Variants in RBFOX1 observed in about 807,000 individuals in gnomAD.
The protein encoded by RBFOX1 is RNA binding protein fox-1 homolog 1.
Under a neutral mutation model 57.7 loss-of-function variants are expected in RBFOX1, and 8 were observed. That is an observed-to-expected ratio of 0.14 (90% CI 0.08 to 0.25). RBFOX1 has a LOEUF of 0.25. Among genes scored for constraint, RBFOX1 ranks in the 10% least tolerant of loss-of-function variants. RBFOX1 has a pLI of 1.00. For missense variants in RBFOX1, 611 were observed against 548.5 expected, an observed-to-expected ratio of 1.11 and a Z score of -1.14; for synonymous variants, 326 against 222.4, an observed-to-expected ratio of 1.47 and a Z score of -4.15.
chr16:6,418,489 A>G (rs1049103896), intron 2 of RBFOX1, among the ~76,000 whole-genome samples: 9 of 147,394 alleles, frequency 6.1e-5, no homozygotes, highest in Non-Finnish European at 1.2e-4. Flanking sequence ...ATCATCTACA[A>G]TTTTGGACAG....
chr16:5,696,805 CTTTATATATTTGA>C (rs1397333098), intron 3 of RBFOX1, among the ~76,000 whole-genome samples: 3 of 152,016 alleles, frequency 2.0e-5, no homozygotes, highest in Admixed American at 1.3e-4. Context: ...TAATCTGCAT[CTTTATATATTTGA>C]TTTATATATT....
intron 3 of RBFOX1, among the ~76,000 whole-genome samples, chr16:6,960,973 CAAA>C (rs1168858782): frequency 8.3e-5 from 3 of 36,148 alleles, no homozygotes; most frequent in Admixed American, 3.2e-4. Context: ...ACTGAAAATA[CAAA>C]AAAAAAAAAA....
At chr16:7,110,858 A>G (rs1470051000) in intron 4 of RBFOX1, among the ~76,000 whole-genome samples, 2 of 152,178 alleles carry the variant, frequency 1.3e-5, no homozygotes, top group African/African-American at 4.8e-5. Context: ...GGTAAAGAAT[A>G]TGTGTTCCCT....
At chr16:6,999,173 T>TATTTTATTTTATTTG (rs2092542212) in intron 3 of RBFOX1, among the ~76,000 whole-genome samples, 1 of 91,912 alleles carries the variant, frequency 1.1e-5, no homozygotes, top group Non-Finnish European at 2.5e-5. Context: ...CTGGCCTTTT[T>TATTTTATTTTATTTG]ATTTTATTTT....
At chr16:6,374,538 A>C (rs2090918373) in intron 2 of RBFOX1, among the ~76,000 whole-genome samples, 2 of 152,120 alleles carry the variant, frequency 1.3e-5, no homozygotes, top group Non-Finnish European at 1.5e-5. Context: ...CTTTAGAGAA[A>C]ATTTTCGTAA....
intron 1 of RBFOX1, among the ~76,000 whole-genome samples, chr16:6,259,783 C>A (rs756365977): frequency 6.6e-6 from 1 of 151,908 alleles, no homozygotes; most frequent in Non-Finnish European, 1.5e-5. Context: ...CATGCTGAGA[C>A]GCCATTTGTA....
At chr16:6,894,769 T>A (rs1026374960) in intron 3 of RBFOX1, among the ~76,000 whole-genome samples, 1 of 152,184 alleles carries the variant, frequency 6.6e-6, no homozygotes, top group Non-Finnish European at 1.5e-5. Flanking sequence ...TTTTCTATTA[T>A]CTTAAAAAGC....
At chr16:6,180,645 A>G (rs1486408426) in intron 1 of RBFOX1, among the ~76,000 whole-genome samples, 1 of 151,690 alleles carries the variant, frequency 6.6e-6, no homozygotes, top group Admixed American at 6.6e-5. Flanking sequence ...GGCTCACTGC[A>G]ATCTCCACCT....
chr16:6,832,018 C>A (rs189031635), intron 3 of RBFOX1, among the ~76,000 whole-genome samples: 3 of 152,186 alleles, frequency 2.0e-5, no homozygotes, highest in Admixed American at 1.3e-4. Flanking sequence ...AAATAAAGTA[C>A]TTTGGAATTC....
intron 4 of RBFOX1, among the ~76,000 whole-genome samples, chr16:7,375,492 G>A (rs1052708160): frequency 1.3e-5 from 2 of 151,684 alleles, no homozygotes; most frequent in African/African-American, 4.9e-5. Flanking sequence ...TGTTACGAGA[G>A]GTTTTGTTTT....
chr16:6,158,005 A>G (rs1330111308), intron 1 of RBFOX1, among the ~76,000 whole-genome samples: 1 of 152,238 alleles, frequency 6.6e-6, no homozygotes, highest in Non-Finnish European at 1.5e-5. Context: ...GAACCTGGTC[A>G]TGTGACCACA....
At chr16:6,533,717 C>T (rs1053308720) in intron 2 of RBFOX1, among the ~76,000 whole-genome samples, 1 of 152,040 alleles carries the variant, frequency 6.6e-6, no homozygotes. Context: ...CCATCGTAGA[C>T]ACAAATTAAC....
At chr16:5,260,885 TG>T (rs1404814421) in intron 1 of RBFOX1, 2 of 152,240 alleles carry the variant, frequency 1.3e-5, no homozygotes, top group Admixed American at 1.3e-4. Flanking sequence ...ACCATCAAAA[TG>T]GGTTCTGAGT....
At chr16:6,487,700 AATATATATATATAT>A (rs1277585706) in intron 2 of RBFOX1, among the ~76,000 whole-genome samples, 246 of 16,052 alleles carry the variant, frequency 0.015, no homozygotes, top group Admixed American at 0.031. Flanking sequence ...AAAAAAAAAA[AATATATATATATAT>A]ATATATATAT....
intron 2 of RBFOX1, among the ~76,000 whole-genome samples, chr16:6,597,616 G>C (rs1011995660): frequency 2.6e-5 from 4 of 152,146 alleles, no homozygotes; most frequent in African/African-American, 7.2e-5. Flanking sequence ...GAAGATTGCA[G>C]TGAGCTGAGA....
chr16:6,578,750 A>G (rs553224032), intron 2 of RBFOX1, among the ~76,000 whole-genome samples: 2 of 152,288 alleles, frequency 1.3e-5, no homozygotes, highest in South Asian at 4.1e-4. Context: ...CCCAAGTTTT[A>G]GTGGGATCAA....
intron 3 of RBFOX1, among the ~76,000 whole-genome samples, chr16:5,709,206 G>A (rs956651612): frequency 3.3e-5 from 5 of 152,182 alleles, no homozygotes; most frequent in African/African-American, 9.7e-5. Context: ...TAGAAAATGG[G>A]CTCTGATGGC....
At chr16:7,487,700 C>G (rs1160126399) in intron 4 of RBFOX1, among the ~76,000 whole-genome samples, 1 of 152,152 alleles carries the variant, frequency 6.6e-6, no homozygotes, top group Non-Finnish European at 1.5e-5. Context: ...CACATGCATT[C>G]AAACCTCTCC....
chr16:5,710,896 T>A (rs2051463468), intron 3 of RBFOX1, among the ~76,000 whole-genome samples: 1 of 152,202 alleles, frequency 6.6e-6, no homozygotes, highest in East Asian at 1.9e-4. Context: ...TTTGTCTTGG[T>A]ATGAGCAAGG....
Sources: gnomAD v4.1 joint callset for allele counts (sites outside exome capture counted in the v4.1 genomes callset) on GRCh38, gnomAD v4.1.1 for gene constraint, MANE v1.5 for transcripts, NCBI Gene and HGNC (gene_info 2026-07-23, HGNC 2026-07-21) for gene names.